The following CPNE8 variants were observed in gnomAD, a reference collection of about 807,000 sequenced individuals.
CPNE8 encodes the protein copine-8.
A neutral mutation model predicts 81.5 loss-of-function variants in CPNE8; 45 were observed. That is an observed-to-expected ratio of 0.55 (90% confidence interval 0.44 to 0.71). The LOEUF (loss-of-function observed/expected upper bound fraction) is 0.71, where lower values mean the gene tolerates loss of function less well. CPNE8 is among the 30% of genes least tolerant of loss of function. CPNE8 has a pLI of 0.00. For synonymous variants in CPNE8, 252 were observed against 226.3 expected (o/e 1.11, Z -1.02); for missense variants, 594 against 672.1 (o/e 0.88, Z 1.28).
chr12:38,798,956 C>T (rs1942581743), intron 6 of CPNE8, among the ~76,000 whole-genome samples: 1 of 152,102 alleles, frequency 6.6e-6, no homozygotes, highest in Non-Finnish European at 1.5e-5. Context: ...CAAAGAAGGC[C>T]ATTACATAAT....
intron 19 of CPNE8, among the ~76,000 whole-genome samples, chr12:38,661,391 A>G (rs1938949513): frequency 6.6e-6 from 1 of 152,154 alleles, no homozygotes; most frequent in African/African-American, 2.4e-5. Context: ...TCTCACTCAT[A>G]GGTGGGAACT....
chr12:38,856,458 C>A (rs1471927710), intron 3 of CPNE8, among the ~76,000 whole-genome samples: 1 of 152,016 alleles, frequency 6.6e-6, no homozygotes, highest in East Asian at 1.9e-4. Flanking sequence ...AAATCCTCAA[C>A]AAAATACAAG....
At chr12:38,787,394 C>A (rs1214194559) in intron 6 of CPNE8, among the ~76,000 whole-genome samples, 1 of 149,716 alleles carries the variant, frequency 6.7e-6, no homozygotes, top group Non-Finnish European at 1.5e-5. Context: ...GAAAATTTTT[C>A]TTGAAAAATT....
chr12:38,692,458 A>G (rs902706607), intron 15 of CPNE8, among the ~76,000 whole-genome samples: 3 of 152,194 alleles, frequency 2.0e-5, no homozygotes, highest in African/African-American at 7.2e-5. Context: ...CCTCTCAAAT[A>G]TGAATATCCA....
chr12:38,764,616 C>CAAAAAAAAAA (rs1247038606), intron 8 of CPNE8, among the ~76,000 whole-genome samples: 4 of 45,100 alleles, frequency 8.9e-5, no homozygotes, highest in Non-Finnish European at 1.3e-4. Flanking sequence ...GACTCCGTCT[C>CAAAAAAAAAA]AAAAAAAAAA....
intron 16 of CPNE8, among the ~76,000 whole-genome samples, chr12:38,680,429 C>A (rs995590400): frequency 6.6e-6 from 1 of 152,064 alleles, no homozygotes; most frequent in Non-Finnish European, 1.5e-5. Context: ...CCCCAAACTA[C>A]TTTTGACTGG....
In CPNE8 at chr12:38,848,651, A is replaced by G. The variant is rs780226420; in HGVS notation, c.198T>C (p.Thr66=). Residue 66 remains threonine (T), a synonymous_variant, in exon 4 of 20, where the codon ACT becomes ACC. Transcript: ENST00000331366. ...GNKEWREFGR[T]EVIDNTLNPD... is the part of the protein sequence containing the mutation. Reference sequence around the variant, plus strand: ...GATTTAAAGTATTATCAATTACTTCAGTTCTTCCAAACTGTGGAAAGAGAG... The same window carrying G: ...GATTTAAAGTATTATCAATTACTTCGGTTCTTCCAAACTGTGGAAAGAGAG... 1 of 1,589,850 alleles carries G rather than the reference A, an allele frequency of 6.3e-7. No individual in the cohort carries two copies.
At position 38,902,365 on chromosome 12, in the gene CPNE8, AAAGAAAGAAAG is replaced by A. The variant is rs1323905589; in HGVS notation, c.98+3061_98+3071del. On this transcript the variant is annotated intron_variant, in intron 1 of 19. Transcript: ENST00000331366. ...GAAAGAAAGAAAGAAAGAAAGAAAG[AAAGAAAGAAAG>A]AAAGAAAAGAAAGAAAGAGAAAGAA... Among the ~76,000 whole-genome samples the A allele has an allele frequency of 3.6e-4, 31 of 85,882 alleles. 1 individual carries two copies. Among genetic ancestry groups the A allele is most frequent in the Middle Eastern group, 4.7e-3 (1 of 214 alleles). The allele number at this position is 85,882 out of a possible 152,430, so 56.3% of individuals were successfully genotyped here.
chr12:38,677,964 T>C (rs1939329515), intron 16 of CPNE8, among the ~76,000 whole-genome samples: 4 of 152,076 alleles, frequency 2.6e-5, no homozygotes, highest in Non-Finnish European at 5.9e-5. Context: ...AACACTTACA[T>C]CTTTATACTG....
At chr12:38,725,292 C>T (rs910872018) in intron 11 of CPNE8, among the ~76,000 whole-genome samples, 1 of 152,056 alleles carries the variant, frequency 6.6e-6, no homozygotes, top group African/African-American at 2.4e-5. Context: ...GCAAATCATC[C>T]AATGTGTGAA....
intron 14 of CPNE8, among the ~76,000 whole-genome samples, chr12:38,694,684 C>A (rs2136674966): frequency 6.6e-6 from 1 of 152,294 alleles, no homozygotes; most frequent in South Asian, 2.1e-4. Context: ...CACTCAAACA[C>A]ATTGAAATTC....
In CPNE8 at chr12:38,745,228, TC is replaced by T. The variant is rs1163474444; in HGVS notation, c.723-14871del. On this transcript the variant is annotated intron_variant, in intron 10 of 19. Coordinates refer to ENST00000331366, the MANE Select transcript of CPNE8 (RefSeq NM_153634.3). Reference sequence around the variant, plus strand: ...CAGAACTCTTCACCCACAATATCCATCCTTTTTTGATTCCTACACTCCTTTC... The same window carrying T: ...CAGAACTCTTCACCCACAATATCCATCTTTTTTGATTCCTACACTCCTTTC... Among the ~76,000 whole-genome samples the T allele has an allele frequency of 7.2e-5, 11 of 152,302 alleles. No individual in the cohort carries two copies. In the South Asian group the frequency reaches 2.3e-3, roughly 32 times the overall value.
intron 6 of CPNE8, among the ~76,000 whole-genome samples, chr12:38,806,346 A>G (rs569165598): frequency 6.7e-6 from 1 of 149,886 alleles, no homozygotes; most frequent in African/African-American, 2.4e-5. Flanking sequence ...TGATGCAAAA[A>G]TCCTCAATAA....
intron 3 of CPNE8, among the ~76,000 whole-genome samples, chr12:38,867,381 A>G (rs1027721634): frequency 2.0e-5 from 3 of 151,974 alleles, no homozygotes; most frequent in Non-Finnish European, 4.4e-5. Flanking sequence ...AGAGAGAGAG[A>G]GAGAGATACC....
intron 13 of CPNE8, among the ~76,000 whole-genome samples, chr12:38,718,814 G>C (rs1032717973): frequency 2.6e-5 from 4 of 152,040 alleles, no homozygotes; most frequent in Admixed American, 6.5e-5. Flanking sequence ...TGTCACTAAA[G>C]CATGTACTAA....
intron 6 of CPNE8, among the ~76,000 whole-genome samples, chr12:38,817,687 G>A (rs1018655522): frequency 8.0e-6 from 1 of 124,510 alleles, no homozygotes; most frequent in African/African-American, 3.0e-5. Flanking sequence ...GCAGTGGTTC[G>A]ATCTCAGCTC....
chr12:38,773,153 T>TGA (rs1941843327), intron 7 of CPNE8, among the ~76,000 whole-genome samples: 1 of 151,912 alleles, frequency 6.6e-6, no homozygotes, highest in Admixed American at 6.6e-5. Flanking sequence ...TTCCCGGGAT[T>TGA]GAGGGGAAGA....
At chr12:38,670,071 G>T (rs1440337341) in intron 19 of CPNE8, among the ~76,000 whole-genome samples, 6 of 152,068 alleles carry the variant, frequency 3.9e-5, no homozygotes, top group East Asian at 3.9e-4. Context: ...GCCACCCTTT[G>T]TGTTTCTCTC....
At chr12:38,844,683 T>G (rs1943524824) in intron 4 of CPNE8, among the ~76,000 whole-genome samples, 1 of 152,098 alleles carries the variant, frequency 6.6e-6, no homozygotes, top group Non-Finnish European at 1.5e-5. Flanking sequence ...AGAAATAAGT[T>G]GTCTCTATCT....
Sources: allele counts gnomAD v4.1 joint callset (sites outside exome capture counted in the v4.1 genomes callset), GRCh38; gene constraint gnomAD v4.1.1; transcripts MANE v1.5; gene names NCBI Gene and HGNC (gene_info 2026-07-23, HGNC 2026-07-21).